ATP10B: variants seen among roughly 807,000 people sequenced by gnomAD.
The protein encoded by ATP10B is ATPase phospholipid transporting 10B (putative).
Under a neutral mutation model 141.2 loss-of-function variants are expected in ATP10B, and 122 were observed. The observed-to-expected ratio is 0.86, with a 90% CI of 0.75 to 1.00. ATP10B has a LOEUF of 1.00. Ranked by LOEUF, ATP10B falls within the 50% of genes least tolerant of loss-of-function variation. The pLI, the probability that ATP10B is intolerant of heterozygous loss-of-function variation, is 0.00. For synonymous variants in ATP10B, 685 were observed against 692.0 expected (o/e 0.99, Z 0.16); for missense variants, 1,876 against 1,825.3 (o/e 1.03, Z -0.51).
At chr5:160,800,670 C>T (rs1772315703) in intron 1 of ATP10B, among the ~76,000 whole-genome samples, 1 of 152,194 alleles carries the variant, frequency 6.6e-6, no homozygotes, top group Non-Finnish European at 1.5e-5. Flanking sequence ...ATAGTCTCCA[C>T]TTATATGGGA....
intron 1 of ATP10B, among the ~76,000 whole-genome samples, chr5:160,845,103 A>C (rs1195963065): frequency 1.3e-5 from 2 of 152,198 alleles, no homozygotes; most frequent in African/African-American, 4.8e-5. Flanking sequence ...ATATAGCATC[A>C]AAAGAAATGT....
At chr5:160,715,091 A>T (rs1437927776) in intron 3 of ATP10B, among the ~76,000 whole-genome samples, 5 of 146,598 alleles carry the variant, frequency 3.4e-5, no homozygotes, top group African/African-American at 5.1e-5. Flanking sequence ...CTGCCCCCAG[A>T]GGTGGAGCCT....
chr5:160,764,668 C>A (rs947598781), intron 2 of ATP10B, among the ~76,000 whole-genome samples: 1 of 152,134 alleles, frequency 6.6e-6, no homozygotes, highest in African/African-American at 2.4e-5. Flanking sequence ...CAAGAATACC[C>A]ACTTTTGCCA....
At chr5:160,731,489 C>T (rs1272322136) in intron 2 of ATP10B, among the ~76,000 whole-genome samples, 1 of 152,110 alleles carries the variant, frequency 6.6e-6, no homozygotes, top group African/African-American at 2.4e-5. Flanking sequence ...GAATTTGAAC[C>T]CCTAATATCT....
intron 2 of ATP10B, among the ~76,000 whole-genome samples, chr5:160,784,516 G>A (rs770398731): frequency 4.6e-5 from 7 of 152,272 alleles, no homozygotes; most frequent in Non-Finnish European, 5.9e-5. Flanking sequence ...AATTAGCAAT[G>A]CATATTTAAT....
intron 7 of ATP10B, among the ~76,000 whole-genome samples, chr5:160,653,589 A>AT (rs1761121893): frequency 6.9e-5 from 1 of 14,430 alleles, no homozygotes; most frequent in Non-Finnish European, 1.2e-4. Flanking sequence ...ATACATATAT[A>AT]CATATATACA....
intron 6 of ATP10B, among the ~76,000 whole-genome samples, chr5:160,680,908 T>C (rs1763356481): frequency 6.6e-6 from 1 of 152,164 alleles, no homozygotes; most frequent in Non-Finnish European, 1.5e-5. Context: ...TGTCTTTCTT[T>C]CTCTTTTCAT....
chr5:160,616,842 G>GT (rs1184871089), intron 16 of ATP10B, among the ~76,000 whole-genome samples: 2 of 152,214 alleles, frequency 1.3e-5, no homozygotes, highest in Non-Finnish European at 2.9e-5. Flanking sequence ...GAAAATGGTG[G>GT]TAAGGGTGTA....
intron 7 of ATP10B, among the ~76,000 whole-genome samples, chr5:160,667,279 C>A (rs1762381573): frequency 6.6e-6 from 1 of 152,098 alleles, no homozygotes; most frequent in South Asian, 2.1e-4. Context: ...ACAAACCTGG[C>A]TTTGAATCCT....
chr5:160,769,967 G>A (rs1309017895), intron 2 of ATP10B, among the ~76,000 whole-genome samples: 1 of 152,202 alleles, frequency 6.6e-6, no homozygotes, highest in African/African-American at 2.4e-5. Flanking sequence ...CAGCTGAAGA[G>A]CTATTGATCA....
intron 1 of ATP10B, among the ~76,000 whole-genome samples, chr5:160,844,338 G>A (rs1775989262): frequency 6.6e-6 from 1 of 152,078 alleles, no homozygotes; most frequent in South Asian, 2.1e-4. Flanking sequence ...AAGTTGTGGT[G>A]TACTCACATG....
At chr5:160,724,785 T>C (rs144967071) in intron 2 of ATP10B, among the ~76,000 whole-genome samples, 8 of 152,368 alleles carry the variant, frequency 5.3e-5, no homozygotes, top group East Asian at 3.9e-4. Context: ...TGTTTCTTGC[T>C]CTTTTTAATG....
rs557362506 is a variant in ATP10B, at chr5:160,781,989, G to A, written c.-331+3570C>T. On this transcript the variant is annotated intron_variant, in intron 2 of 25. Coordinates refer to ENST00000327245, the MANE Select transcript of ATP10B (RefSeq NM_025153.3). ...GTAGAGTAATGCCTAAAATTGTATGGTTCTACATTTCAATTGCTGTGGGAT... is the reference window on the plus strand; with the variant it reads ...GTAGAGTAATGCCTAAAATTGTATGATTCTACATTTCAATTGCTGTGGGAT... 9.9e-5 allele frequency among the ~76,000 whole-genome samples: 15 copies of A among 152,176 alleles called. No homozygotes were observed. The South Asian group carries it at 2.7e-3, about 27-fold the overall frequency.
At chr5:160,702,211 A>G (rs1038786948) in intron 3 of ATP10B, among the ~76,000 whole-genome samples, 2 of 152,266 alleles carry the variant, frequency 1.3e-5, no homozygotes, top group African/African-American at 4.8e-5. Flanking sequence ...TATTTCAAAG[A>G]AACTTATTTC....
Position 160,636,262 on chromosome 5 carries a change from C to T in ATP10B, c.1048G>A (p.Val350Met), listed in dbSNP as rs763027258. The change falls in exon 11 of 26, where the codon GTG becomes ATG. Residue 350 changes from valine to methionine, a missense_variant. Physicochemically the swap from Val to Met is conservative, Grantham distance 21. Coordinates refer to ENST00000327245, the MANE Select transcript of ATP10B (RefSeq NM_025153.3). ...AGGAAGCTGCCATTGGCATCTGGCA[C>T]ATCGAAGGGAGGGTGTTCTTCAAAG... is the stretch of plus-strand genomic sequence containing the variant. ...GTFEEHPPFD[V>M]PDANGSFLPS... 8 of 1,613,736 alleles carry T rather than the reference C, an allele frequency of 5.0e-6. No individual in the cohort carries two copies. The highest frequency in any genetic ancestry group is 4.5e-5 in the East Asian group (2 of 44,856).
intron 24 of ATP10B, among the ~76,000 whole-genome samples, chr5:160,581,100 G>A (rs1194149531): frequency 6.6e-6 from 1 of 152,102 alleles, no homozygotes; most frequent in Non-Finnish European, 1.5e-5. Context: ...ACTAGTTCCT[G>A]GATTCATTGA....
intron 1 of ATP10B, among the ~76,000 whole-genome samples, chr5:160,808,775 A>T (rs1772953247): frequency 6.6e-6 from 1 of 152,194 alleles, no homozygotes; most frequent in African/African-American, 2.4e-5. Context: ...AAAGAAATGT[A>T]TGCTCACTTT....
intron 2 of ATP10B, among the ~76,000 whole-genome samples, chr5:160,745,196 A>G (rs1295547399): frequency 1.3e-5 from 2 of 152,090 alleles, no homozygotes; most frequent in Non-Finnish European, 2.9e-5. Context: ...AGCCCATTCT[A>G]TTTTCTATGC....
intron 7 of ATP10B, among the ~76,000 whole-genome samples, chr5:160,649,921 C>T (rs1665006326): frequency 2.0e-5 from 3 of 151,728 alleles, no homozygotes; most frequent in Admixed American, 2.0e-4. Flanking sequence ...AGATCGAGAC[C>T]AGCCTGGTGA....
Sources: allele counts gnomAD v4.1 joint callset (sites outside exome capture counted in the v4.1 genomes callset), GRCh38; gene constraint gnomAD v4.1.1; transcripts MANE v1.5; gene names NCBI Gene and HGNC (gene_info 2026-07-23, HGNC 2026-07-21).